DPP10: variants seen among roughly 807,000 people sequenced by gnomAD.
DPP10 encodes the protein inactive dipeptidyl peptidase 10.
In DPP10, 33 loss-of-function variants were observed where a neutral mutation model predicts 120.9. The observed-to-expected ratio is 0.27, with a 90% CI of 0.21 to 0.37. DPP10 has a LOEUF of 0.37. Among genes scored for constraint, DPP10 ranks in the 10% least tolerant of loss-of-function variants. The pLI, the probability that DPP10 is intolerant of heterozygous loss-of-function variation, is 1.00. For missense variants in DPP10, 816 were observed against 942.8 expected (o/e 0.87, Z 1.76); for synonymous variants, 337 against 326.1 (o/e 1.03, Z -0.36).
At chr2:114,541,042 T>C (rs1686908363) in intron 1 of DPP10, among the ~76,000 whole-genome samples, 1 of 152,220 alleles carries the variant, frequency 6.6e-6, no homozygotes, top group East Asian at 1.9e-4. Context: ...CAAATAGATA[T>C]ATCTTTCAAG....
chr2:114,809,041 A>G (rs557851229), intron 1 of DPP10, among the ~76,000 whole-genome samples: 1 of 151,524 alleles, frequency 6.6e-6, no homozygotes, highest in Non-Finnish European at 1.5e-5. Context: ...TTAATTAAGT[A>G]ATTGAGTAAA....
rs190950700 is a variant in DPP10 at position 115,415,180 on chromosome 2, G to A, written c.271+71268G>A. 1.7e-3 allele frequency among the ~76,000 whole-genome samples: 253 copies of A among 152,204 alleles called. 2 individuals are homozygous for A. The highest frequency in any genetic ancestry group is 5.3e-3 in the African/African-American group (222 of 41,546). On this transcript the variant is annotated intron_variant, in intron 3 of 25. Coordinates refer to ENST00000410059, the MANE Select transcript of DPP10 (RefSeq NM_020868.6). ...AATTTCTCCTCTTGCCTTCCTAACTGGTCTCAATCTTTCTTTCTGCTTAGT... is the reference window on the plus strand; with the variant it reads ...AATTTCTCCTCTTGCCTTCCTAACTAGTCTCAATCTTTCTTTCTGCTTAGT...
intron 1 of DPP10, among the ~76,000 whole-genome samples, chr2:115,237,338 A>G (rs1270305972): frequency 6.6e-6 from 1 of 152,160 alleles, no homozygotes; most frequent in Non-Finnish European, 1.5e-5. Flanking sequence ...TGTCAGTATA[A>G]AACAGCAAAG....
intron 1 of DPP10, among the ~76,000 whole-genome samples, chr2:115,228,359 A>G (rs1312867677): frequency 6.6e-6 from 1 of 152,124 alleles, no homozygotes; most frequent in African/African-American, 2.4e-5. Flanking sequence ...TGTGTTACAG[A>G]CTATAAAATT....
intron 1 of DPP10, among the ~76,000 whole-genome samples, chr2:114,532,296 T>TATATATACAC (rs1342125338): frequency 2.7e-3 from 204 of 74,520 alleles, no homozygotes; most frequent in Non-Finnish European, 3.6e-3. Flanking sequence ...TATATATATA[T>TATATATACAC]ACACACACAC....
intron 1 of DPP10, among the ~76,000 whole-genome samples, chr2:114,824,869 C>G (rs1686392757): frequency 6.6e-6 from 1 of 152,148 alleles, no homozygotes; most frequent in African/African-American, 2.4e-5. Flanking sequence ...TAGATCCTCT[C>G]TAACAGAGAT....
rs115015737 is a variant in DPP10 at position 114,684,395 on chromosome 2, G to A, written c.60+241557G>A. Among the ~76,000 whole-genome samples, 801 of 152,084 alleles carry A rather than the reference G, an allele frequency of 5.3e-3. 9 individuals are homozygous for A. The highest frequency in any genetic ancestry group is 0.018 in the African/African-American group (750 of 41,522). On this transcript the variant is annotated intron_variant, in intron 1 of 25. Coordinates refer to ENST00000410059, the MANE Select transcript of DPP10 (RefSeq NM_020868.6). ...AGGTCTAAAAGAAATGAATTCTGCAGTACAGAGAGAAATTTTAAAAGGGAG... is the reference window on the plus strand; with the variant it reads ...AGGTCTAAAAGAAATGAATTCTGCAATACAGAGAGAAATTTTAAAAGGGAG...
In DPP10 at chr2:115,525,949, C is replaced by T; in HGVS notation, c.418C>T (p.Leu140Phe). ...AGTTTCACCAGATTTAAAATATGTCCTTCTGGCATATGATGTCAAACAGGT... is the reference window on the plus strand; with the variant it reads ...AGTTTCACCAGATTTAAAATATGTCTTTCTGGCATATGATGTCAAACAGGT... The part of the protein sequence containing the change: ...HSVSPDLKYV[L>F]LAYDVKQIFH... Residue 140 changes from leucine (L) to phenylalanine (F), a missense_variant, in exon 5 of 26, where the codon CTT becomes TTT. Coordinates refer to ENST00000410059, the MANE Select transcript of DPP10 (RefSeq NM_020868.6). 1 of 1,610,002 alleles carries T rather than the reference C, an allele frequency of 6.2e-7. No homozygotes were observed. Among genetic ancestry groups the T allele is most frequent in the Non-Finnish European group, 8.5e-7 (1 of 1,178,286 alleles).
intron 7 of DPP10, among the ~76,000 whole-genome samples, chr2:115,700,868 G>C (rs2149531893): frequency 6.6e-6 from 1 of 152,088 alleles, no homozygotes; most frequent in Middle Eastern, 3.4e-3. Flanking sequence ...AGAATGCTAA[G>C]AAATTAACTC....
At chr2:115,243,956 TTTC>T (rs1342504516) in intron 1 of DPP10, among the ~76,000 whole-genome samples, 2 of 151,704 alleles carry the variant, frequency 1.3e-5, no homozygotes, top group East Asian at 3.9e-4. Context: ...TTATAAAATT[TTTC>T]TTGTTATTTT....
intron 1 of DPP10, among the ~76,000 whole-genome samples, chr2:115,259,418 A>T (rs2059150657): frequency 6.6e-6 from 1 of 151,684 alleles, no homozygotes. Context: ...CGGGAGGCGG[A>T]GGTTGCAGTG....
intron 21 of DPP10, among the ~76,000 whole-genome samples, chr2:115,833,094 C>A (rs1689099824): frequency 6.6e-6 from 1 of 152,048 alleles, no homozygotes; most frequent in Non-Finnish European, 1.5e-5. Flanking sequence ...AGGCACTATT[C>A]CTGATTCCTA....
intron 3 of DPP10, among the ~76,000 whole-genome samples, chr2:115,497,102 G>C (rs2076439118): frequency 6.6e-6 from 1 of 151,998 alleles, no homozygotes; most frequent in African/African-American, 2.4e-5. Flanking sequence ...ATATAGGCGA[G>C]TCACAAATCT....
chr2:115,405,780 G>C (rs2068462086), intron 3 of DPP10, among the ~76,000 whole-genome samples: 1 of 152,220 alleles, frequency 6.6e-6, no homozygotes, highest in African/African-American at 2.4e-5. Flanking sequence ...TTGAACCATG[G>C]CTGGAACAGC....
At chr2:114,927,336 G>A (rs973816641) in intron 1 of DPP10, among the ~76,000 whole-genome samples, 3 of 151,346 alleles carry the variant, frequency 2.0e-5, no homozygotes, top group African/African-American at 7.3e-5. Context: ...TTTTGCCAAG[G>A]TTGAGGACAT....
At position 114,824,997 on chromosome 2, in the gene DPP10, C is replaced by T. The variant is rs1476951326; in HGVS notation, c.60+382159C>T. Among the ~76,000 whole-genome samples, 4 of 152,188 alleles carry T rather than the reference C, an allele frequency of 2.6e-5. No individual in the cohort carries two copies. The South Asian group carries it at 8.3e-4, about 32-fold the overall frequency. ...TTTGGTTTGATTCACTCAACAAGTGCTCATTGAGAATCTTCTCCGTGCAGT... is the reference window on the plus strand; with the variant it reads ...TTTGGTTTGATTCACTCAACAAGTGTTCATTGAGAATCTTCTCCGTGCAGT... On this transcript the variant is annotated intron_variant, in intron 1 of 25. Coordinates refer to ENST00000410059, the MANE Select transcript of DPP10 (RefSeq NM_020868.6).
At chr2:115,727,977 T>A in intron 8 of DPP10, 41 bp downstream of exon 8, 2 of 1,578,472 alleles carry the variant, frequency 1.3e-6, no homozygotes, top group Non-Finnish European at 1.7e-6. Flanking sequence ...ACAAATGACA[T>A]ATTTTTATAC....
chr2:114,543,455 C>A (rs932876340), intron 1 of DPP10, among the ~76,000 whole-genome samples: 1 of 152,222 alleles, frequency 6.6e-6, no homozygotes, highest in South Asian at 2.1e-4. Context: ...TCTGTTCATT[C>A]CTTCTTGGAA....
chr2:114,942,744 G>A (rs1172122467), intron 1 of DPP10, among the ~76,000 whole-genome samples: 1 of 151,694 alleles, frequency 6.6e-6, no homozygotes, highest in East Asian at 1.9e-4. Flanking sequence ...ATTATACCTT[G>A]CTCAGTGTAA....
Sources: gnomAD v4.1 joint callset for allele counts (sites outside exome capture counted in the v4.1 genomes callset) on GRCh38, gnomAD v4.1.1 for gene constraint, MANE v1.5 for transcripts, NCBI Gene and HGNC (gene_info 2026-07-23, HGNC 2026-07-21) for gene names.